STK35: variants seen among roughly 807,000 people sequenced by gnomAD.
The protein encoded by STK35 is serine/threonine kinase 35.
Under a neutral mutation model 37.3 loss-of-function variants are expected in STK35, and 17 were observed. That is an observed-to-expected ratio of 0.46 (90% CI 0.31 to 0.68). STK35 has a LOEUF of 0.68. Ranked by LOEUF, STK35 falls within the 30% of genes least tolerant of loss-of-function variation. STK35 has a pLI of 0.05. For synonymous variants in STK35, 385 were observed against 319.1 expected, an observed-to-expected ratio of 1.21 and a Z score of -2.20; for missense variants, 595 against 746.7, an observed-to-expected ratio of 0.80 and a Z score of 2.37.
intron 3 of STK35, among the ~76,000 whole-genome samples, chr20:2,138,755 G>T (rs1394319786): frequency 6.6e-6 from 1 of 152,150 alleles, no homozygotes; most frequent in Admixed American, 6.5e-5. Context: ...GGTAGCTCAT[G>T]CCTGTAATAA....
rs760252030 is a variant in STK35 at position 2,102,053 on chromosome 20, G to C, written c.172G>C (p.Ala58Pro). The change falls in exon 1 of 4, where the codon GCT becomes CCT. Residue 58 changes from alanine (A) to proline (P), a missense_variant. By Grantham distance (27) the Ala-to-Pro change is conservative (BLOSUM62 -1). This residue lies in a region of STK35 where 389 missense variants were observed against 320.0 expected (regional missense o/e 1.22). Transcript: ENST00000381482. ...AAAEGSATRR[A>P]RAATSRAARS... ...AGCAGAAGGATCCGCTACACGCCGG[G>C]CTCGGGCCGCCACCTCCCGCGCTGC... 6.6e-7 allele frequency: 1 copy of C among 1,523,716 alleles called. No homozygotes were observed. The highest frequency in any genetic ancestry group is 8.8e-7 in the Non-Finnish European group (1 of 1,140,688). 94.4% of individuals were successfully genotyped at this position (1,523,716 alleles called of 1,614,324 possible).
intron 3 of STK35, among the ~76,000 whole-genome samples, chr20:2,142,794 G>A (rs543233465): frequency 2.8e-4 from 42 of 152,300 alleles, no homozygotes; most frequent in African/African-American, 9.6e-4. Flanking sequence ...CAACGAGGCT[G>A]GAGCACTGTT....
chr20:2,108,562 C>G (rs561683396), intron 2 of STK35, among the ~76,000 whole-genome samples: 1 of 152,252 alleles, frequency 6.6e-6, no homozygotes. Context: ...GTATATTGAT[C>G]AGTGCTTGTG....
At chr20:2,116,091 C>T (rs1985711935) in intron 2 of STK35, among the ~76,000 whole-genome samples, 1 of 152,146 alleles carries the variant, frequency 6.6e-6, no homozygotes. Context: ...ATGTACCTAA[C>T]TTGTGCTAGG....
chr20:2,129,951 C>G (rs1167054168), intron 3 of STK35, among the ~76,000 whole-genome samples: 5 of 152,050 alleles, frequency 3.3e-5, no homozygotes, highest in Non-Finnish European at 5.9e-5. Flanking sequence ...TGTAGCTGCC[C>G]AGGTTAGGGG....
At chr20:2,106,916 G>A (rs1985526756) in intron 2 of STK35, among the ~76,000 whole-genome samples, 1 of 152,156 alleles carries the variant, frequency 6.6e-6, no homozygotes, top group African/African-American at 2.4e-5. Context: ...GCCCAGAAAA[G>A]GGACAAAACT....
rs191744636 is a variant in STK35, at chr20:2,144,411, G to A, written c.*665G>A. On this transcript the variant is annotated 3_prime_UTR_variant, in exon 4 of 4. Coordinates refer to ENST00000381482, the MANE Select transcript of STK35 (RefSeq NM_080836.4). ...GAGGAAGGCCAGGGTTTGGCCAGGA[G>A]AACTAAGAAGGTCTCAACTCCAGGC... 1.1e-4 allele frequency: 18 copies of A among 160,296 alleles called. No homozygotes were observed. The highest frequency in any genetic ancestry group is 4.3e-4 in the African/African-American group (18 of 41,604). The allele number at this position is 160,296 out of a possible 1,614,324, so 9.9% of individuals were successfully genotyped here. A position where few individuals can be genotyped will look rare whatever the true frequency, so the allele number is the denominator to read the frequency against.
At chr20:2,121,731 A>C (rs1448557196) in intron 3 of STK35, among the ~76,000 whole-genome samples, 1 of 152,118 alleles carries the variant, frequency 6.6e-6, no homozygotes, top group East Asian at 1.9e-4. Context: ...AGCCAGAGAG[A>C]GGGGAAAAGA....
intron 3 of STK35, among the ~76,000 whole-genome samples, chr20:2,119,834 T>G (rs1985784738): frequency 6.6e-6 from 1 of 152,234 alleles, no homozygotes; most frequent in Non-Finnish European, 1.5e-5. Flanking sequence ...TTCATTATCC[T>G]CTGGTTTCTA....
In STK35 at chr20:2,116,950, C is replaced by T. The variant is rs904575303; in HGVS notation, c.1177C>T (p.Pro393Ser). The change falls in exon 3 of 4, where the codon CCC (proline) becomes TCC (serine). Residue 393 changes from proline (P) to serine (S), a missense_variant. Coordinates refer to ENST00000381482, the MANE Select transcript of STK35 (RefSeq NM_080836.4). ...AAGCAAGGTCTGTGCTGGGCTGGCA[C>T]CCCGAGGCAAAGAGGGCAATCAAGA... ...GLSKVCAGLAPRGKEGNQDNK... is the reference protein window; with the variant it reads ...GLSKVCAGLASRGKEGNQDNK... 1.9e-6 allele frequency: 3 copies of T among 1,614,102 alleles called. No individual in the cohort carries two copies. Among genetic ancestry groups the T allele is most frequent in the South Asian group, 2.2e-5 (2 of 91,082 alleles).
chr20:2,132,518 A>G (rs1379981651), intron 3 of STK35, among the ~76,000 whole-genome samples: 1 of 152,190 alleles, frequency 6.6e-6, no homozygotes, highest in Non-Finnish European at 1.5e-5. Flanking sequence ...CAAAAAAGAC[A>G]AGGGTGAGTG....
chr20:2,128,196 AG>A lies in STK35; in HGVS notation c.*37+10782del, dbSNP rs1985939289. ...CCAGGTGATGGCTGATGAACACAAA[AG>A]CTTCAGAACTGCTCTGGCAAAAGAG... On this transcript the variant is annotated intron_variant, in intron 3 of 3. Coordinates refer to ENST00000381482, the MANE Select transcript of STK35 (RefSeq NM_080836.4). Among the ~76,000 whole-genome samples, 4 of 152,162 alleles carry A rather than the reference AG, an allele frequency of 2.6e-5. No homozygotes were observed. The East Asian group carries it at 7.7e-4, about 29-fold the overall frequency.
At chr20:2,125,362 A>T (rs1398052577) in intron 3 of STK35, among the ~76,000 whole-genome samples, 1 of 152,236 alleles carries the variant, frequency 6.6e-6, no homozygotes, top group Non-Finnish European at 1.5e-5. Flanking sequence ...ATGTATCATT[A>T]TCATACATCA....
intron 2 of STK35, among the ~76,000 whole-genome samples, chr20:2,113,001 G>A (rs962573772): frequency 2.3e-4 from 35 of 152,180 alleles, no homozygotes; most frequent in African/African-American, 2.4e-4. Context: ...TGGGTGGGTC[G>A]GGAGCCCACT....
intron 3 of STK35, among the ~76,000 whole-genome samples, chr20:2,125,097 A>G (rs942880292): frequency 4.6e-5 from 7 of 152,162 alleles, no homozygotes; most frequent in African/African-American, 1.4e-4. Flanking sequence ...TTCCTCCTCC[A>G]TGGCCTCCTT....
chr20:2,130,849 G>A (rs1262662175), intron 3 of STK35, among the ~76,000 whole-genome samples: 1 of 152,108 alleles, frequency 6.6e-6, no homozygotes, highest in Non-Finnish European at 1.5e-5. Flanking sequence ...AAGGGGCTTT[G>A]GAGTCACTCC....
intron 3 of STK35, among the ~76,000 whole-genome samples, chr20:2,127,886 C>G (rs1985933493): frequency 6.6e-6 from 1 of 152,146 alleles, no homozygotes; most frequent in Non-Finnish European, 1.5e-5. Flanking sequence ...AAGTTTTAAC[C>G]ATGGTTAAAA....
chr20:2,129,674 G>A (rs949725218), intron 3 of STK35, among the ~76,000 whole-genome samples: 50 of 152,142 alleles, frequency 3.3e-4, no homozygotes, highest in African/African-American at 1.2e-3. Flanking sequence ...TCATACGAGA[G>A]TACCATAGGT....
intron 3 of STK35, among the ~76,000 whole-genome samples, chr20:2,135,422 G>A (rs946094799): frequency 2.0e-5 from 3 of 152,200 alleles, no homozygotes; most frequent in Non-Finnish European, 4.4e-5. Context: ...TTTTGAATGT[G>A]GCATATGGGA....
Sources: allele counts gnomAD v4.1 joint callset (sites outside exome capture counted in the v4.1 genomes callset), GRCh38; gene constraint gnomAD v4.1.1; regional missense constraint gnomAD v4.1.1; transcripts MANE v1.5; gene names NCBI Gene and HGNC (gene_info 2026-07-23, HGNC 2026-07-21).